NRXN1: variants seen among roughly 807,000 people sequenced by gnomAD.
The protein encoded by NRXN1 is neurexin-1.
NRXN1 carries 39 observed loss-of-function variants against 150.9 expected under a neutral mutation model. The ratio of observed to expected loss-of-function variants is 0.26; its 90% CI spans 0.20 to 0.34. The LOEUF (loss-of-function observed/expected upper bound fraction) is 0.34. NRXN1 is among the 10% of genes least tolerant of loss of function. The pLI, the probability that NRXN1 is intolerant of heterozygous loss-of-function variation, is 1.00. For synonymous variants in NRXN1, 924 were observed against 757.0 expected, an observed-to-expected ratio of 1.22 and a Z score of -3.62; for missense variants, 1,815 against 1,949.9, an observed-to-expected ratio of 0.93 and a Z score of 1.30.
chr2:50,064,740 T>C (rs866353288), intron 19 of NRXN1, among the ~76,000 whole-genome samples: 1 of 152,176 alleles, frequency 6.6e-6, no homozygotes, highest in South Asian at 2.1e-4. Context: ...ACTTCCAAAG[T>C]TCATCAATAA....
intron 18 of NRXN1, among the ~76,000 whole-genome samples, chr2:50,135,524 T>C (rs1467747993): frequency 6.6e-6 from 1 of 152,004 alleles, no homozygotes; most frequent in Non-Finnish European, 1.5e-5. Flanking sequence ...AACCCATCTC[T>C]ACTAAAAATA....
chr2:50,848,029 G>A (rs72891303), intron 5 of NRXN1, among the ~76,000 whole-genome samples: 8,106 of 152,222 alleles, frequency 0.053, 239 homozygotes, highest in Admixed American at 0.07. Context: ...TCTGTCGGAA[G>A]GGGATCTAAT....
intron 9 of NRXN1, among the ~76,000 whole-genome samples, chr2:50,545,674 T>C (rs1161292426): frequency 6.6e-6 from 1 of 152,208 alleles, no homozygotes; most frequent in African/African-American, 2.4e-5. Context: ...TCTGCCAATA[T>C]GGATGTCAAT....
intron 17 of NRXN1, among the ~76,000 whole-genome samples, chr2:50,389,003 C>CA (rs550900123): frequency 1.9e-3 from 294 of 151,940 alleles, no homozygotes; most frequent in African/African-American, 6.8e-3. Flanking sequence ...CTGAAGTCTA[C>CA]AAAAAATCCC....
intron 5 of NRXN1, chr2:50,758,016 T>A (rs773215399): frequency 2.0e-5 from 3 of 151,718 alleles, no homozygotes; most frequent in Admixed American, 6.6e-5. Flanking sequence ...CTTGAGGGAA[T>A]ATATGTAATT....
chr2:50,211,514 C>T (rs1386904058), intron 18 of NRXN1, among the ~76,000 whole-genome samples: 1 of 151,214 alleles, frequency 6.6e-6, no homozygotes, highest in Non-Finnish European at 1.5e-5. Context: ...GATAATAAGA[C>T]AAATATAATA....
chr2:50,310,141 GT>G (rs1359278811), intron 17 of NRXN1, among the ~76,000 whole-genome samples: 1 of 152,208 alleles, frequency 6.6e-6, no homozygotes, highest in Non-Finnish European at 1.5e-5. Context: ...TCTTGCTCTT[GT>G]TTGTGTTGGG....
At chr2:50,058,321 T>C (rs1437166884) in intron 19 of NRXN1, among the ~76,000 whole-genome samples, 1 of 152,140 alleles carries the variant, frequency 6.6e-6, no homozygotes, top group Non-Finnish European at 1.5e-5. Flanking sequence ...TATGTGATAA[T>C]ATATAAGAAA....
At chr2:50,250,807 A>T (rs538750843) in intron 17 of NRXN1, among the ~76,000 whole-genome samples, 1 of 152,022 alleles carries the variant, frequency 6.6e-6, no homozygotes, top group East Asian at 1.9e-4. Context: ...ATTTAAATTT[A>T]AGTACCGGGA....
At chr2:50,631,467 T>A (rs1327753198) in intron 5 of NRXN1, 1 of 160,924 alleles carries the variant, frequency 6.2e-6, no homozygotes, top group East Asian at 1.9e-4. Flanking sequence ...AAAACTATGG[T>A]CACATAACTA....
chr2:50,239,412 C>T (rs1395602431), intron 17 of NRXN1, among the ~76,000 whole-genome samples: 1 of 150,616 alleles, frequency 6.6e-6, no homozygotes, highest in Admixed American at 6.7e-5. Flanking sequence ...TCTAAGAATT[C>T]AGATGGTTTA....
At chr2:50,428,625 A>G (rs955269486) in intron 17 of NRXN1, among the ~76,000 whole-genome samples, 2 of 152,024 alleles carry the variant, frequency 1.3e-5, no homozygotes, top group Admixed American at 1.3e-4. Context: ...CGGGACGGGG[A>G]AGTGGGAGAG....
chr2:50,481,786 G>A (rs1354160853), intron 15 of NRXN1, among the ~76,000 whole-genome samples: 8 of 5,684 alleles, frequency 1.4e-3, no homozygotes, highest in Non-Finnish European at 3.3e-3. Flanking sequence ...TTTTTTTTGA[G>A]ACGGAGTCTC....
intron 17 of NRXN1, among the ~76,000 whole-genome samples, chr2:50,382,328 T>G (rs549827752): frequency 1.3e-5 from 2 of 152,326 alleles, no homozygotes; most frequent in African/African-American, 4.8e-5. Context: ...AAGAATAGTC[T>G]TCTCATAATA....
At chr2:50,399,864 A>T (rs2082287057) in intron 17 of NRXN1, among the ~76,000 whole-genome samples, 1 of 135,748 alleles carries the variant, frequency 7.4e-6, no homozygotes, top group Non-Finnish European at 1.6e-5. Context: ...TCTCAGAAAA[A>T]TATTATCATT....
chr2:50,691,744 TAGTC>T (rs1441299895), intron 5 of NRXN1, among the ~76,000 whole-genome samples: 1 of 152,102 alleles, frequency 6.6e-6, no homozygotes, highest in African/African-American at 2.4e-5. Flanking sequence ...TCTCTTTAGT[TAGTC>T]AGTCTTCTTG....
intron 8 of NRXN1, among the ~76,000 whole-genome samples, chr2:50,587,890 T>G (rs1278554481): frequency 3.3e-5 from 5 of 152,132 alleles, no homozygotes; most frequent in African/African-American, 1.2e-4. Context: ...AAGATGGTAT[T>G]TATATATTAA....
At chr2:50,986,971 G>A (rs148440944) in intron 2 of NRXN1, among the ~76,000 whole-genome samples, 1 of 151,926 alleles carries the variant, frequency 6.6e-6, no homozygotes, top group East Asian at 1.9e-4. Context: ...GAAAGCAGTA[G>A]GAATGGAGGA....
intron 5 of NRXN1, among the ~76,000 whole-genome samples, chr2:50,676,934 G>C (rs1689634281): frequency 6.6e-6 from 1 of 152,092 alleles, no homozygotes; most frequent in Non-Finnish European, 1.5e-5. Context: ...CCATGAAGGT[G>C]GTAAGTGTGA....
Sources: allele counts gnomAD v4.1 joint callset (sites outside exome capture counted in the v4.1 genomes callset), GRCh38; gene constraint gnomAD v4.1.1; transcripts MANE v1.5; gene names NCBI Gene and HGNC (gene_info 2026-07-23, HGNC 2026-07-21).